MAP3K5: variants seen among roughly 807,000 people sequenced by gnomAD.
The protein encoded by MAP3K5 is ASK-1.
A neutral mutation model predicts 158.7 loss-of-function variants in MAP3K5; 56 were observed. The ratio of observed to expected loss-of-function variants is 0.35; its 90% CI spans 0.28 to 0.44. MAP3K5 has a LOEUF of 0.44. MAP3K5 is among the 20% of genes least tolerant of loss of function. The probability of loss-of-function intolerance (pLI) is 1.00; values close to 1 mark genes in which losing one functional copy is unlikely to be tolerated. For synonymous variants in MAP3K5, 579 were observed against 601.7 expected, an observed-to-expected ratio of 0.96 and a Z score of 0.55; for missense variants, 1,294 against 1,674.8, an observed-to-expected ratio of 0.77 and a Z score of 3.97.
At chr6:136,580,466 C>A in intron 24 of MAP3K5, 60 bp from the exon 25 acceptor site, 4 of 1,010,290 alleles carry the variant, frequency 4.0e-6, no homozygotes, top group Non-Finnish European at 6.2e-6. Flanking sequence ...CCTAGATGAT[C>A]GAAGCACTTG....
At chr6:136,638,086 C>T (rs1469866734) in intron 13 of MAP3K5, among the ~76,000 whole-genome samples, 1 of 152,102 alleles carries the variant, frequency 6.6e-6, no homozygotes, top group African/African-American at 2.4e-5. Context: ...TGTCTCTACA[C>T]ACATTTCTTG....
chr6:136,657,391 T>C (rs1447849390), intron 9 of MAP3K5, among the ~76,000 whole-genome samples: 1 of 152,226 alleles, frequency 6.6e-6, no homozygotes, highest in African/African-American at 2.4e-5. Flanking sequence ...CGAGTACCAT[T>C]GCATAGAATA....
Position 136,613,111 on chromosome 6 carries a change from G to A in MAP3K5, c.2415+9C>T. On this transcript the variant is annotated intron_variant, in intron 17 of 29. Transcript: ENST00000359015. The surrounding 1 kb of genome is among the most constrained non-coding windows in gnomAD (Gnocchi z 4.0). The stretch of plus-strand genomic sequence containing the variant: ...AGAACTCATGAAAATGAATGCTGGT[G>A]TACCTCACCTTTATGTCCCGGTGAA... 3.1e-6 allele frequency: 5 copies of A among 1,596,708 alleles called. No individual in the cohort carries two copies. Among genetic ancestry groups the A allele is most frequent in the Admixed American group, 3.5e-5 (2 of 57,396 alleles).
intron 15 of MAP3K5, 40 bp downstream of exon 15, chr6:136,622,808 A>T: frequency 6.3e-7 from 1 of 1,597,398 alleles, no homozygotes; most frequent in Non-Finnish European, 8.6e-7. Flanking sequence ...AACAACCCAA[A>T]GTACTACAGA....
At chr6:136,603,910 C>T (rs955123674) in intron 19 of MAP3K5, among the ~76,000 whole-genome samples, 8 of 152,172 alleles carry the variant, frequency 5.3e-5, no homozygotes, top group Non-Finnish European at 1.0e-4. Context: ...TAAAGCCAAG[C>T]TTTGCACAAA....
intron 1 of MAP3K5, among the ~76,000 whole-genome samples, chr6:136,770,116 CTTTTTA>C (rs1784137920): frequency 6.6e-6 from 1 of 151,924 alleles, no homozygotes; most frequent in East Asian, 1.9e-4. Context: ...AATGGCCTCC[CTTTTTA>C]TTTTTATTTA....
chr6:136,596,744 T>C (rs1173509666), intron 21 of MAP3K5, among the ~76,000 whole-genome samples: 3 of 152,232 alleles, frequency 2.0e-5, no homozygotes, highest in East Asian at 1.9e-4. Flanking sequence ...GTTTGCTTTA[T>C]ACGTTTGTGG....
intron 1 of MAP3K5, among the ~76,000 whole-genome samples, chr6:136,778,055 G>T (rs1226714649): frequency 6.6e-6 from 1 of 152,064 alleles, no homozygotes; most frequent in Non-Finnish European, 1.5e-5. Flanking sequence ...TTTTTTAAAA[G>T]GTTCTAAATC....
chr6:136,672,016 G>A (rs1392622957), intron 7 of MAP3K5, among the ~76,000 whole-genome samples: 1 of 152,040 alleles, frequency 6.6e-6, no homozygotes, highest in African/African-American at 2.4e-5. Context: ...CATGTAATCA[G>A]AAGTTTCATT....
chr6:136,624,189 A>G (rs567790301), intron 14 of MAP3K5, among the ~76,000 whole-genome samples: 1 of 152,256 alleles, frequency 6.6e-6, no homozygotes, highest in African/African-American at 2.4e-5. Context: ...GCAAGACTCC[A>G]TCTCAAAGAA....
At chr6:136,587,567 A>G (rs1370656825) in intron 23 of MAP3K5, among the ~76,000 whole-genome samples, 1 of 152,174 alleles carries the variant, frequency 6.6e-6, no homozygotes, top group Non-Finnish European at 1.5e-5. Context: ...GCTCCTAACC[A>G]TTCTATTCTA....
chr6:136,600,727 A>G (rs1775837135), intron 21 of MAP3K5, among the ~76,000 whole-genome samples: 2 of 152,192 alleles, frequency 1.3e-5, no homozygotes. Flanking sequence ...TTCCTAGATA[A>G]AGAAGCATTT....
At chr6:136,685,800 T>C (rs1780122165) in intron 7 of MAP3K5, among the ~76,000 whole-genome samples, 1 of 151,984 alleles carries the variant, frequency 6.6e-6, no homozygotes, top group Non-Finnish European at 1.5e-5. Flanking sequence ...CAAGGGTCAG[T>C]TGAAACATCC....
intron 1 of MAP3K5, among the ~76,000 whole-genome samples, chr6:136,760,212 A>G (rs1167003774): frequency 6.6e-6 from 1 of 152,172 alleles, no homozygotes; most frequent in Non-Finnish European, 1.5e-5. Context: ...ATGCTGTCTC[A>G]TGCTTAAATA....
At position 136,642,614 on chromosome 6, in the gene MAP3K5, A is replaced by T. The variant is rs559109465; in HGVS notation, c.1789-45T>A. The T allele has an allele frequency of 2.8e-5, 35 of 1,251,622 alleles. No individual in the cohort carries two copies. In the East Asian group the frequency reaches 7.7e-4, roughly 27 times the overall value. The allele number at this position is 1,251,622 out of a possible 1,614,324, so 77.5% of individuals were successfully genotyped here. ...ATATACTGAGTCATCCAAATGGAAA[A>T]TAACATAACAACAATAATTTTGTTT... On this transcript the variant is annotated intron_variant, in intron 11 of 29. Transcript: ENST00000359015.
chr6:136,782,510 T>C (rs960972718), intron 1 of MAP3K5, among the ~76,000 whole-genome samples: 2 of 152,172 alleles, frequency 1.3e-5, no homozygotes, highest in Non-Finnish European at 2.9e-5. Flanking sequence ...TGGAAAGTAC[T>C]GGTATAACTG....
At chr6:136,764,136 A>T (rs1326727187) in intron 1 of MAP3K5, among the ~76,000 whole-genome samples, 1 of 152,204 alleles carries the variant, frequency 6.6e-6, no homozygotes, top group Non-Finnish European at 1.5e-5. Flanking sequence ...CCCAGATGAC[A>T]TATGCAAGAA....
At chr6:136,711,521 C>A in intron 2 of MAP3K5, among the ~76,000 whole-genome samples, 1 of 151,100 alleles carries the variant, frequency 6.6e-6, no homozygotes, top group Non-Finnish European at 1.5e-5. Flanking sequence ...CAAAAATTAG[C>A]CAGGTGTAGC....
chr6:136,577,943 G>GT (rs910113812), intron 25 of MAP3K5, among the ~76,000 whole-genome samples: 41 of 151,062 alleles, frequency 2.7e-4, no homozygotes, highest in Admixed American at 6.6e-4. Context: ...AAGGAAGTTT[G>GT]TTTTTTTTTA....
Sources: allele counts gnomAD v4.1 joint callset (sites outside exome capture counted in the v4.1 genomes callset), GRCh38; gene constraint gnomAD v4.1.1; non-coding constraint Gnocchi (gnomAD v3.1); transcripts MANE v1.5; gene names NCBI Gene and HGNC (gene_info 2026-07-23, HGNC 2026-07-21).